Variants in TRIM24 observed in about 807,000 individuals in gnomAD.
The protein encoded by TRIM24 is transcription intermediary factor 1-alpha.
TRIM24 carries 29 observed loss-of-function variants against 123.9 expected under a neutral mutation model. The ratio of observed to expected loss-of-function variants is 0.23; its 90% CI spans 0.17 to 0.32. TRIM24 has a LOEUF of 0.32. Among genes scored for constraint, TRIM24 ranks in the 10% least tolerant of loss-of-function variants. The probability of loss-of-function intolerance (pLI) is 1.00; values close to 1 mark genes in which losing one functional copy is unlikely to be tolerated. For synonymous variants in TRIM24, 456 were observed against 461.1 expected, an observed-to-expected ratio of 0.99 and a Z score of 0.14; for missense variants, 932 against 1,295.3, an observed-to-expected ratio of 0.72 and a Z score of 4.31.
Position 138,460,520 on chromosome 7 carries a change from G to C in TRIM24, c.-29G>C. The stretch of plus-strand genomic sequence containing the variant: ...GGCGGCGGGCGGAGACCGCGCTCTC[G>C]CTTCCCCGGCGGCGGCAAGGGCAGG... On this transcript the variant is annotated 5_prime_UTR_variant, in exon 1 of 19. Coordinates refer to ENST00000343526, the MANE Select transcript of TRIM24 (RefSeq NM_015905.3). 7.9e-7 allele frequency: 1 copy of C among 1,262,604 alleles called. No homozygotes were observed. Among genetic ancestry groups the C allele is most frequent in the Non-Finnish European group, 9.9e-7 (1 of 1,008,816 alleles). 78.2% of individuals were successfully genotyped at this position (1,262,604 alleles called of 1,614,324 possible).
At chr7:138,491,835 T>A (rs560061064) in intron 1 of TRIM24, among the ~76,000 whole-genome samples, 1 of 152,214 alleles carries the variant, frequency 6.6e-6, no homozygotes, top group Non-Finnish European at 1.5e-5. Flanking sequence ...CTTTTATTTA[T>A]TTAATTTTTT....
intron 4 of TRIM24, among the ~76,000 whole-genome samples, chr7:138,524,117 A>G (rs1420748205): frequency 6.6e-6 from 1 of 152,232 alleles, no homozygotes; most frequent in Non-Finnish European, 1.5e-5. Context: ...TAAAAGAATA[A>G]AGGAAAAAGT....
chr7:138,464,118 C>G (rs900496078), intron 1 of TRIM24, among the ~76,000 whole-genome samples: 8 of 150,736 alleles, frequency 5.3e-5, no homozygotes, highest in African/African-American at 1.9e-4. Context: ...CCTCAGCCTC[C>G]TGAGTAGCTG....
At chr7:138,488,654 G>T (rs537999753) in intron 1 of TRIM24, among the ~76,000 whole-genome samples, 110 of 152,194 alleles carry the variant, frequency 7.2e-4, no homozygotes, top group African/African-American at 2.5e-3. Flanking sequence ...GTAGTTGTGC[G>T]GTTTTAAGTG....
At chr7:138,508,700 C>CGCGCGCGCGCGCGCGTGTGCGTGTGT (rs1182276337) in intron 2 of TRIM24, among the ~76,000 whole-genome samples, 3 of 35,574 alleles carry the variant, frequency 8.4e-5, no homozygotes, top group Non-Finnish European at 1.6e-4. Context: ...TGTGCGCGCG[C>CGCGCGCGCGCGCGCGTGTGCGTGTGT]GTGTGTGCGT....
chr7:138,576,404 A>G lies in TRIM24; in HGVS notation c.2046A>G (p.Pro682=), dbSNP rs763324003. The change falls in exon 13 of 19, where the codon CCA becomes CCG. Residue 682 remains proline (P), a synonymous_variant. Coordinates refer to ENST00000343526, the MANE Select transcript of TRIM24 (RefSeq NM_015905.3). ...TTACTATGACTAGTGTACACCCCCC[A>G]ATACGTTCACCTAGTGCCTCCAGCG... is the stretch of plus-strand genomic sequence containing the variant. The part of the protein sequence containing the change: ...GPVTMTSVHP[P]IRSPSASSVG... 5.6e-6 allele frequency: 9 copies of G among 1,613,890 alleles called. No individual in the cohort carries two copies. The East Asian group carries it at 1.8e-4, about 32-fold the overall frequency.
At chr7:138,466,368 G>A (rs1157804417) in intron 1 of TRIM24, among the ~76,000 whole-genome samples, 4 of 150,984 alleles carry the variant, frequency 2.6e-5, no homozygotes, top group Middle Eastern at 7.0e-3. Context: ...TCATTTCTCT[G>A]ATGAATAATG....
chr7:138,541,687 G>T (rs1017663523), intron 7 of TRIM24, among the ~76,000 whole-genome samples: 3 of 152,166 alleles, frequency 2.0e-5, no homozygotes, highest in Non-Finnish European at 2.9e-5. Flanking sequence ...TGTCCTTTGA[G>T]GATTTGAAGC....
At chr7:138,502,942 A>G (rs1217258396) in intron 1 of TRIM24, among the ~76,000 whole-genome samples, 1 of 152,196 alleles carries the variant, frequency 6.6e-6, no homozygotes, top group East Asian at 1.9e-4. Flanking sequence ...TTGTATTCCA[A>G]GATCACAAAG....
In TRIM24 at chr7:138,460,561, G is replaced by T; in HGVS notation, c.13G>T (p.Val5Leu). 7.6e-7 allele frequency: 1 copy of T among 1,310,834 alleles called. No individual in the cohort carries two copies. Among genetic ancestry groups the T allele is most frequent in the Non-Finnish European group, 9.6e-7 (1 of 1,040,058 alleles). 81.2% of individuals were successfully genotyped at this position (1,310,834 alleles called of 1,614,324 possible). ...CAAGGGCAGGACAATGGAGGTGGCGGTGGAGAAGGCGGTGGCGGCGGCGGC... is the reference window on the plus strand; with the variant it reads ...CAAGGGCAGGACAATGGAGGTGGCGTTGGAGAAGGCGGTGGCGGCGGCGGC... MEVAVEKAVAAAAAA... is the reference protein window; with the variant it reads MEVALEKAVAAAAAA... The change falls in exon 1 of 19, where the codon GTG becomes TTG. Residue 5 changes from valine (V) to leucine (L), a missense_variant. This residue lies in a region of TRIM24 where 164 missense variants were observed against 181.9 expected (regional missense o/e 0.90). Transcript: ENST00000343526.
chr7:138,469,751 C>T (rs1482090400), intron 1 of TRIM24, among the ~76,000 whole-genome samples: 1 of 152,198 alleles, frequency 6.6e-6, no homozygotes, highest in African/African-American at 2.4e-5. Flanking sequence ...GACATTAGAA[C>T]TTCTTTTCAG....
chr7:138,555,347 AC>A (rs1797294139), intron 9 of TRIM24, among the ~76,000 whole-genome samples: 1 of 152,190 alleles, frequency 6.6e-6, no homozygotes. Context: ...TGTTCAGTAA[AC>A]CACATTGCAT....
At chr7:138,504,518 A>T in intron 2 of TRIM24, 110 bp downstream of exon 2, 1 of 631,508 alleles carries the variant, frequency 1.6e-6, no homozygotes. Flanking sequence ...GGAGTTCACA[A>T]GTGGCGCAAT....
Position 138,468,325 on chromosome 7 carries a change from C to T in TRIM24, c.364+7413C>T, listed in dbSNP as rs1313276150. Among the ~76,000 whole-genome samples the T allele has an allele frequency of 2.0e-5, 3 of 152,116 alleles. No individual in the cohort carries two copies. The East Asian group carries it at 5.8e-4, about 29-fold the overall frequency. On this transcript the variant is annotated intron_variant, in intron 1 of 18. Coordinates refer to ENST00000343526, the MANE Select transcript of TRIM24 (RefSeq NM_015905.3). ...ATTTTTAGATGTTAAATCAATCTTG[C>T]ATTCTTGAGATATACCTCACTTGGT...
chr7:138,570,348 G>A (rs1475411248), intron 10 of TRIM24, among the ~76,000 whole-genome samples: 3 of 152,120 alleles, frequency 2.0e-5, no homozygotes, highest in African/African-American at 7.2e-5. Flanking sequence ...GTTTATCTCA[G>A]CAGGAATGAT....
At chr7:138,542,009 C>A (rs1233309179) in intron 7 of TRIM24, among the ~76,000 whole-genome samples, 1 of 152,192 alleles carries the variant, frequency 6.6e-6, no homozygotes, top group Non-Finnish European at 1.5e-5. Context: ...AGTTTTAGGA[C>A]CTTTCTCTGA....
Position 138,588,210 on chromosome 7 carries a change from TC to T in TRIM24, c.*3261del, listed in dbSNP as rs1157301604. 5.9e-5 allele frequency: 9 copies of T among 152,246 alleles called. No homozygotes were observed. The highest frequency in any genetic ancestry group is 1.5e-5 in the Non-Finnish European group (1 of 68,046). 9.4% of individuals were successfully genotyped at this position (152,246 alleles called of 1,614,324 possible). On this transcript the variant is annotated 3_prime_UTR_variant, in exon 19 of 19. Transcript: ENST00000343526. The stretch of plus-strand genomic sequence containing the variant: ...TATGCTGTTACTGTGCTTAGACACT[TC>T]CTTACGTTTGAGTTCCAAGGAGAGA...
intron 6 of TRIM24, among the ~76,000 whole-genome samples, chr7:138,531,853 A>G (rs1796754126): frequency 6.6e-6 from 1 of 152,072 alleles, no homozygotes; most frequent in African/African-American, 2.4e-5. Context: ...AAGTGTTCCT[A>G]TTTCTCCACA....
At chr7:138,485,017 C>T (rs572271832) in intron 1 of TRIM24, among the ~76,000 whole-genome samples, 12 of 151,892 alleles carry the variant, frequency 7.9e-5, no homozygotes, top group Non-Finnish European at 1.3e-4. Flanking sequence ...TGTCATCTAA[C>T]GTTATGAATT....
Sources: gnomAD v4.1 joint callset for allele counts (sites outside exome capture counted in the v4.1 genomes callset) on GRCh38, gnomAD v4.1.1 for gene constraint, gnomAD v4.1.1 regional missense constraint, MANE v1.5 for transcripts, NCBI Gene and HGNC (gene_info 2026-07-23, HGNC 2026-07-21) for gene names.